Variants in CACNA1C observed in about 807,000 individuals in gnomAD.
CACNA1C encodes voltage-dependent L-type calcium channel subunit alpha-1C.
In CACNA1C, 30 loss-of-function variants were observed where a neutral mutation model predicts 229.0. The ratio of observed to expected loss-of-function variants is 0.13; its 90% confidence interval spans 0.10 to 0.18. CACNA1C has a LOEUF of 0.18. CACNA1C is among the 10% of genes least tolerant of loss of function. The pLI, the probability that CACNA1C is intolerant of heterozygous loss-of-function variation, is 1.00. For missense variants in CACNA1C, 1,658 were observed against 2,845.0 expected, an observed-to-expected ratio of 0.58 and a Z score of 9.49; for synonymous variants, 1,114 against 1,132.5, an observed-to-expected ratio of 0.98 and a Z score of 0.33.
intron 3 of CACNA1C, among the ~76,000 whole-genome samples, chr12:2,290,886 G>A (rs533002564): frequency 4.3e-4 from 65 of 152,340 alleles, no homozygotes; most frequent in African/African-American, 1.6e-3. Context: ...ACCTAGGGAT[G>A]CTGTCTGGAC....
rs556355571 is a variant in CACNA1C at position 2,261,737 on chromosome 12, C to T, written c.477+141307C>T. Among the ~76,000 whole-genome samples the T allele has an allele frequency of 8.2e-4, 125 of 151,782 alleles. 1 individual carries two copies. Among genetic ancestry groups the T allele is most frequent in the African/African-American group, 3.0e-3 (123 of 41,334 alleles). ...ATATGGGCCAAGCTCTAGAAGGGTC[C>T]TTGTGCAACACACACACACACACAA... On this transcript the variant is annotated intron_variant, in intron 3 of 46. Transcript: ENST00000399655.
chr12:2,640,897 C>A (rs1045599794), intron 30 of CACNA1C, among the ~76,000 whole-genome samples: 1 of 152,230 alleles, frequency 6.6e-6, no homozygotes, highest in Non-Finnish European at 1.5e-5. Context: ...CGTCCACCCC[C>A]TCAGGGGTGA....
chr12:2,313,351 GACTTA>G (rs1174504787), intron 3 of CACNA1C, among the ~76,000 whole-genome samples: 3 of 152,190 alleles, frequency 2.0e-5, no homozygotes, highest in African/African-American at 7.2e-5. Context: ...TGATCATTCA[GACTTA>G]ACTTCCTCCC....
Position 2,176,327 on chromosome 12 carries a change from G to A in CACNA1C, c.477+55897G>A, listed in dbSNP as rs1333343924. 5.3e-5 allele frequency among the ~76,000 whole-genome samples: 8 copies of A among 152,214 alleles called. No individual in the cohort carries two copies. In the South Asian group the frequency reaches 1.7e-3, roughly 32 times the overall value. The stretch of plus-strand genomic sequence containing the variant: ...CGGGCCTAGAGAGGTGGTTGCAGGG[G>A]CAGACCAGGCAGAGTCTTAGAAACC... On this transcript the variant is annotated intron_variant, in intron 3 of 46. Coordinates refer to ENST00000399655, the MANE Select transcript of CACNA1C (RefSeq NM_000719.7).
chr12:2,243,085 T>G (rs899865112), intron 3 of CACNA1C, among the ~76,000 whole-genome samples: 1 of 152,212 alleles, frequency 6.6e-6, no homozygotes, highest in Non-Finnish European at 1.5e-5. Context: ...AGCTGTTAAG[T>G]GCTATGTGGG....
rs751892021 is a variant in CACNA1C at position 2,679,403 on chromosome 12, G to A, written c.5092-41G>A. 33 of 1,411,212 alleles carry A rather than the reference G, an allele frequency of 2.3e-5. No homozygotes were observed. Among genetic ancestry groups the A allele is most frequent in the Non-Finnish European group, 3.1e-5 (32 of 1,046,648 alleles). The allele number at this position is 1,411,212 out of a possible 1,614,324, so 87.4% of individuals were successfully genotyped here. On this transcript the variant is annotated intron_variant, in intron 41 of 46. Coordinates refer to ENST00000399655, the MANE Select transcript of CACNA1C (RefSeq NM_000719.7). The surrounding 1 kb of genome is among the most constrained non-coding windows in gnomAD (Gnocchi z 5.5). ...AGGCTGCTCTCTGGGAGGAGTGGGT[G>A]CTAAGGGGCTTCTCCACCCACCCCT... is the stretch of plus-strand genomic sequence containing the variant.
intron 29 of CACNA1C, chr12:2,612,260 G>A (rs551600995): frequency 5.1e-5 from 24 of 468,492 alleles, no homozygotes; most frequent in South Asian, 3.0e-4. Context: ...CAGATTCCTC[G>A]CTGAGCTGAA....
intron 1 of CACNA1C, among the ~76,000 whole-genome samples, chr12:1,981,729 CAT>C (rs1367208711): frequency 6.6e-6 from 1 of 152,098 alleles, no homozygotes; most frequent in Admixed American, 6.6e-5. Flanking sequence ...ACATAAAAGA[CAT>C]ATATGCTGCA....
chr12:2,224,114 T>C (rs1486446195), intron 3 of CACNA1C, among the ~76,000 whole-genome samples: 1 of 152,220 alleles, frequency 6.6e-6, no homozygotes, highest in African/African-American at 2.4e-5. Flanking sequence ...GTTCCCACCC[T>C]GAACCTCCTG....
intron 3 of CACNA1C, among the ~76,000 whole-genome samples, chr12:2,320,041 C>G (rs780693948): frequency 2.0e-5 from 3 of 152,152 alleles, no homozygotes; most frequent in Non-Finnish European, 4.4e-5. Flanking sequence ...TTTCCCTTCC[C>G]TTCTTAGAGG....
intron 3 of CACNA1C, among the ~76,000 whole-genome samples, chr12:2,279,719 A>G (rs906660408): frequency 1.3e-5 from 2 of 152,254 alleles, no homozygotes; most frequent in African/African-American, 4.8e-5. Flanking sequence ...AATATTGGAA[A>G]ATAAAAATAA....
chr12:2,437,287 A>G (rs1043848231), intron 3 of CACNA1C, among the ~76,000 whole-genome samples: 2 of 152,092 alleles, frequency 1.3e-5, no homozygotes, highest in African/African-American at 2.4e-5. Context: ...CAGCCAGCAC[A>G]TGACTCAAAA....
intron 3 of CACNA1C, among the ~76,000 whole-genome samples, chr12:2,246,780 G>GAGAA (rs1429544675): frequency 1.3e-5 from 2 of 152,186 alleles, no homozygotes; most frequent in African/African-American, 4.8e-5. Flanking sequence ...CCTGGGCATG[G>GAGAA]AGAAACCTGC....
At chr12:2,546,521 A>G (rs1026193128) in intron 9 of CACNA1C, among the ~76,000 whole-genome samples, 10 of 152,036 alleles carry the variant, frequency 6.6e-5, no homozygotes, top group African/African-American at 2.4e-4. Context: ...TGGTGTCTTC[A>G]CACTCTTCCG....
intron 1 of CACNA1C, among the ~76,000 whole-genome samples, chr12:2,088,656 G>C (rs755833084): frequency 1.3e-5 from 2 of 152,092 alleles, no homozygotes; most frequent in South Asian, 4.2e-4. Context: ...CCTCAGATGC[G>C]TTCTCCTTGG....
At chr12:2,075,643 A>G (rs2062912388) in intron 1 of CACNA1C, among the ~76,000 whole-genome samples, 1 of 152,226 alleles carries the variant, frequency 6.6e-6, no homozygotes, top group Admixed American at 6.5e-5. Context: ...ATAGCAGTCC[A>G]TAGGTTGGCA....
chr12:2,326,018 A>T (rs2096274172), intron 3 of CACNA1C, among the ~76,000 whole-genome samples: 1 of 152,236 alleles, frequency 6.6e-6, no homozygotes, highest in African/African-American at 2.4e-5. Context: ...GGAAGGGCAC[A>T]CAAGGGCCTG....
chr12:2,043,936 T>C lies in CACNA1C; in HGVS notation c.140-71288T>C, dbSNP rs546919178. ...TCCCAAAGTGCTGGGATTACAGGCG[T>C]GAGCCACCGCGCCCGGCCAAAAACA... On this transcript the variant is annotated intron_variant, in intron 1 of 46. Coordinates refer to the CACNA1C transcript ENST00000682462. 3.9e-5 allele frequency among the ~76,000 whole-genome samples: 6 copies of C among 152,076 alleles called. No homozygotes were observed. In the East Asian group the frequency reaches 1.2e-3, roughly 29 times the overall value.
chr12:2,004,926 G>C (rs971092915), intron 1 of CACNA1C, among the ~76,000 whole-genome samples: 64 of 151,604 alleles, frequency 4.2e-4, no homozygotes, highest in Non-Finnish European at 1.9e-4. Context: ...GAACCCTTTG[G>C]GAGTTTCTGA....
Sources: allele counts gnomAD v4.1 joint callset (sites outside exome capture counted in the v4.1 genomes callset), GRCh38; gene constraint gnomAD v4.1.1; non-coding constraint Gnocchi (gnomAD v3.1); transcripts MANE v1.5; gene names NCBI Gene and HGNC (gene_info 2026-07-23, HGNC 2026-07-21).